The following TUBGCP6 variants were observed in gnomAD, a reference collection of about 807,000 sequenced individuals.
The protein encoded by TUBGCP6 is tubulin gamma complex component 6, also known as gamma-tubulin complex component 6.
In TUBGCP6, 161 loss-of-function variants were observed where a neutral mutation model predicts 175.8. The ratio of observed to expected loss-of-function variants is 0.92; its 90% confidence interval spans 0.81 to 1.04. The LOEUF (loss-of-function observed/expected upper bound fraction) is 1.04. Ranked by LOEUF, TUBGCP6 falls within the 50% of genes least tolerant of loss-of-function variation. The probability of loss-of-function intolerance (pLI) is 0.00; values close to 1 mark genes in which losing one functional copy is unlikely to be tolerated. For missense variants in TUBGCP6, 2,572 were observed against 2,433.0 expected (o/e 1.06, Z -1.20); for synonymous variants, 1,173 against 1,030.5 (o/e 1.14, Z -2.65).
chr22:50,233,088 CAT>C (rs945791114), intron 3 of TUBGCP6, among the ~76,000 whole-genome samples: 1 of 152,246 alleles, frequency 6.6e-6, no homozygotes, highest in African/African-American at 2.4e-5. Context: ...CAGCAATAAA[CAT>C]GTTATTTCTC....
In TUBGCP6 at chr22:50,229,564, A is replaced by G. The variant is rs1223906408; in HGVS notation, c.1130T>C (p.Phe377Ser). 1 of 1,594,590 alleles carries G rather than the reference A, an allele frequency of 6.3e-7. No homozygotes were observed. The highest frequency in any genetic ancestry group is 8.5e-7 in the Non-Finnish European group (1 of 1,171,454). Residue 377 changes from phenylalanine to serine, a missense_variant, in exon 4 of 25, where the codon TTT (phenylalanine) becomes TCT (serine). Coordinates refer to ENST00000248846, the MANE Select transcript of TUBGCP6 (RefSeq NM_020461.4). ...CACGTGGACGCCCCGCTTCACCACA[A>G]AGGCCTGGGCCGGCTGCACAGGGGC... The part of the protein sequence containing the change: ...TFSLCQPAQA[F>S]VVKRGVHVSG...
chr22:50,239,469 G>A (rs1289440769), intron 2 of TUBGCP6, among the ~76,000 whole-genome samples: 5 of 152,210 alleles, frequency 3.3e-5, no homozygotes, highest in South Asian at 2.1e-4. Flanking sequence ...GAGCCACCGC[G>A]CCCAGGCGAA....
intron 3 of TUBGCP6, among the ~76,000 whole-genome samples, chr22:50,232,717 T>C (rs2064710162): frequency 6.6e-6 from 1 of 152,258 alleles, no homozygotes; most frequent in Non-Finnish European, 1.5e-5. Flanking sequence ...CTGGCTGTGC[T>C]TCTAGTCCAT....
At chr22:50,243,632 A>AAAAAGAAGAAGAAGAAGAAGAAG in intron 1 of TUBGCP6, 87 bp downstream of exon 1, 1 of 953,116 alleles carries the variant, frequency 1.0e-6, no homozygotes, top group Non-Finnish European at 1.4e-6. Flanking sequence ...AAAAAAAAAA[A>AAAAAGAAGAAGAAGAAGAAGAAG]AAGAAGAAGA....
chr22:50,218,634 T>A lies in TUBGCP6; in HGVS notation c.4822-14A>T. The A allele has an allele frequency of 6.2e-7, 1 of 1,613,850 alleles. No homozygotes were observed. Among genetic ancestry groups the A allele is most frequent in the Non-Finnish European group, 8.5e-7 (1 of 1,179,950 alleles). On this transcript the variant is annotated splice_polypyrimidine_tract_variant and intron_variant, in intron 21 of 24. Coordinates refer to ENST00000248846, the MANE Select transcript of TUBGCP6 (RefSeq NM_020461.4). ...AGGCCAGTCCACCTGCCAGGAGGCGTGGCTCAGCAGGCATCCCACAGGCAG... is the reference window on the plus strand; with the variant it reads ...AGGCCAGTCCACCTGCCAGGAGGCGAGGCTCAGCAGGCATCCCACAGGCAG...
rs192919234 is a variant in TUBGCP6 at position 50,240,214 on chromosome 22, G to A, written c.895C>T (p.Arg299Ter). The A allele has an allele frequency of 1.1e-5, 18 of 1,613,754 alleles. No individual in the cohort carries two copies. In the African/African-American group the frequency reaches 2.1e-4, roughly 19 times the overall value. ...AAGAAGGGCACACACCAGCCAACTCGCTCCCAGCACCTCCGCTTGCTGGCC... is the reference window on the plus strand; with the variant it reads ...AAGAAGGGCACACACCAGCCAACTCACTCCCAGCACCTCCGCTTGCTGGCC... ...YEASKRRCWE[R>*]VGCPPGHREE... is the part of the protein sequence containing the mutation. Residue 299 changes from arginine to a stop codon, truncating the protein, a stop_gained, in exon 2 of 25, where the codon CGA (arginine) becomes TGA (stop). Coordinates refer to ENST00000248846, the MANE Select transcript of TUBGCP6 (RefSeq NM_020461.4). LOFTEE classifies it high-confidence loss of function.
intron 2 of TUBGCP6, among the ~76,000 whole-genome samples, chr22:50,237,674 G>A (rs762979373): frequency 1.3e-5 from 2 of 152,104 alleles, no homozygotes; most frequent in Admixed American, 6.5e-5. Flanking sequence ...AGGCCCCACC[G>A]TGCCGGAGCT....
intron 1 of TUBGCP6, among the ~76,000 whole-genome samples, chr22:50,243,490 T>C (rs891667704): frequency 1.5e-5 from 2 of 137,204 alleles, no homozygotes; most frequent in African/African-American, 5.6e-5. Flanking sequence ...TGGTGGCAGG[T>C]GCCTGTAATT....
Position 50,244,634 on chromosome 22 carries a change from C to G in TUBGCP6, c.-175G>C, listed in dbSNP as rs1243187114. On this transcript the variant is annotated 5_prime_UTR_variant, in exon 1 of 25. Transcript: ENST00000248846. ...TAAAGGAGGTCTTGCGGTTGCTCTA[C>G]TCAGAGTAAACACGCCCTGCCCTCC... The G allele has an allele frequency of 8.6e-6, 10 of 1,156,436 alleles. No individual in the cohort carries two copies. In the East Asian group the frequency reaches 2.4e-4, roughly 27 times the overall value. The allele number at this position is 1,156,436 out of a possible 1,614,324, so 71.6% of individuals were successfully genotyped here. A position where few individuals can be genotyped will look rare whatever the true frequency, so the allele number is the denominator to read the frequency against.
Position 50,244,245 on chromosome 22 carries a change from A to T in TUBGCP6, c.215T>A (p.Met72Lys). Residue 72 changes from methionine (M) to lysine (K), a missense_variant, in exon 1 of 25, where the codon ATG (methionine) becomes AAG (lysine). Transcript: ENST00000248846. ...SKLPARNKIL[M>K]LSFDLRVGGL... Reference sequence around the variant, plus strand: ...ACCCACTCTCAAGTCAAAGGACAACATGAGGATCTTGTTTCTCGCTGGTAG... The same window carrying T: ...ACCCACTCTCAAGTCAAAGGACAACTTGAGGATCTTGTTTCTCGCTGGTAG... 6.2e-7 allele frequency: 1 copy of T among 1,613,504 alleles called. No homozygotes were observed. The highest frequency in any genetic ancestry group is 8.5e-7 in the Non-Finnish European group (1 of 1,180,026).
At chr22:50,224,055 A>G in intron 13 of TUBGCP6, 86 bp downstream of exon 13, 1 of 1,246,124 alleles carries the variant, frequency 8.0e-7, no homozygotes, top group South Asian at 1.2e-5. Flanking sequence ...TTCAAAACAA[A>G]AAGTAAAATC....
chr22:50,244,609 T>TC lies in TUBGCP6; in HGVS notation c.-151_-150insG, dbSNP rs2064895724. Reference sequence around the variant, plus strand: ...GCCGAAGCTCAGAACTGGTATTTTTTAAAGGAGGTCTTGCGGTTGCTCTAC... The same window carrying TC: ...GCCGAAGCTCAGAACTGGTATTTTTTCAAAGGAGGTCTTGCGGTTGCTCTAC... On this transcript the variant is annotated 5_prime_UTR_variant, in exon 1 of 25. Coordinates refer to ENST00000248846, the MANE Select transcript of TUBGCP6 (RefSeq NM_020461.4). 1 of 1,320,742 alleles carries TC rather than the reference T, an allele frequency of 7.6e-7. No homozygotes were observed. The highest frequency in any genetic ancestry group is 1.0e-6 in the Non-Finnish European group (1 of 996,506). 81.8% of individuals were successfully genotyped at this position (1,320,742 alleles called of 1,614,324 possible).
At position 50,218,575 on chromosome 22, in the gene TUBGCP6, T is replaced by C; in HGVS notation, c.4867A>G (p.Lys1623Glu). Residue 1623 changes from lysine (K) to glutamate (E), a missense_variant, in exon 22 of 25, where the codon AAG becomes GAG. Physicochemically the swap from Lys to Glu is moderately conservative, Grantham distance 56. Transcript: ENST00000248846. ...AGGAAGGAGAAGACGCCGCTGTACTTGCTCACGCAGCCCTCGGTGATGACA... is the reference window on the plus strand; with the variant it reads ...AGGAAGGAGAAGACGCCGCTGTACTCGCTCACGCAGCCCTCGGTGATGACA... ...NIVITEGCVS[K>E]YSGVFSFLLQ... is the part of the protein sequence containing the mutation. The C allele has an allele frequency of 6.2e-7, 1 of 1,613,786 alleles. No individual in the cohort carries two copies. The highest frequency in any genetic ancestry group is 1.3e-5 in the African/African-American group (1 of 74,992).
chr22:50,238,539 TTTTTG>T lies in TUBGCP6; in HGVS notation c.905+1660_905+1664del, dbSNP rs1341719053. ...CAATAACTTGTAGGGCCAGTTTTTTTTTTTGTTTTTTTTTTTGAGACGGAGTCTCG... is the reference window on the plus strand; with the variant it reads ...CAATAACTTGTAGGGCCAGTTTTTTTTTTTTTTTTTTGAGACGGAGTCTCG... On this transcript the variant is annotated intron_variant, in intron 2 of 24. Transcript: ENST00000248846. Among the ~76,000 whole-genome samples the T allele has an allele frequency of 3.8e-5, 3 of 78,216 alleles. 1 individual carries two copies. Among genetic ancestry groups the T allele is most frequent in the Admixed American group, 2.3e-4 (2 of 8,702 alleles). 51.3% of individuals were successfully genotyped at this position (78,216 alleles called of 152,430 possible).
chr22:50,238,491 T>A (rs575320053), intron 2 of TUBGCP6, among the ~76,000 whole-genome samples: 1 of 150,352 alleles, frequency 6.7e-6, no homozygotes. Flanking sequence ...AAAATACTAT[T>A]AGCAGACATG....
chr22:50,225,770 C>T (rs780268184), intron 10 of TUBGCP6, 24 bp downstream of exon 10: 1 of 1,599,808 alleles, frequency 6.3e-7, no homozygotes, highest in East Asian at 2.2e-5. Context: ...GAAGAAAGCC[C>T]CCGAGACCTG....
intron 10 of TUBGCP6, among the ~76,000 whole-genome samples, chr22:50,225,545 G>A (rs1247766571): frequency 1.4e-5 from 2 of 148,140 alleles, no homozygotes; most frequent in African/African-American, 2.5e-5. Context: ...CAGAGCCCCT[G>A]CCTGGCATCT....
At position 50,220,661 on chromosome 22, in the gene TUBGCP6, G is replaced by C; in HGVS notation, c.3698C>G (p.Ala1233Gly). 1 of 1,610,770 alleles carries C rather than the reference G, an allele frequency of 6.2e-7. No individual in the cohort carries two copies. The highest frequency in any genetic ancestry group is 8.5e-7 in the Non-Finnish European group (1 of 1,179,674). The change falls in exon 16 of 25, where the codon GCT becomes GGT. Residue 1233 changes from alanine to glycine, a missense_variant. By Grantham distance (60) the Ala-to-Gly change is moderately conservative (BLOSUM62 0). Coordinates refer to ENST00000248846, the MANE Select transcript of TUBGCP6 (RefSeq NM_020461.4). ...GGTGTTGCACCGTGACCGGATGGGA[G>C]CCACGTCCGATACGTTCTCCCCAAC... ...IRVGENVSDVAPIRSRCNTHG... is the reference protein window; with the variant it reads ...IRVGENVSDVGPIRSRCNTHG...
rs1190132986 is a variant in TUBGCP6 at position 50,244,174 on chromosome 22, G to C, written c.286C>G (p.Leu96Val). Residue 96 changes from leucine (L) to valine (V), a missense_variant, in exon 1 of 25, where the codon CTG becomes GTG. Leu to Val is a conservative substitution (Grantham distance 32). Coordinates refer to ENST00000248846, the MANE Select transcript of TUBGCP6 (RefSeq NM_020461.4). Reference protein sequence around the residue: ...ADRLEELVEELEAAPCCPLLE... With the variant: ...ADRLEELVEEVEAAPCCPLLE... ...AGCGGACAGCAAGGGGCTGCTTCCA[G>C]CTCCTCCACAAGCTCCTCCAAACGG... 1 of 1,613,234 alleles carries C rather than the reference G, an allele frequency of 6.2e-7. No homozygotes were observed. Among genetic ancestry groups the C allele is most frequent in the African/African-American group, 1.3e-5 (1 of 74,944 alleles).
Sources: allele counts gnomAD v4.1 joint callset (sites outside exome capture counted in the v4.1 genomes callset), GRCh38; gene constraint gnomAD v4.1.1; transcripts MANE v1.5; gene names NCBI Gene and HGNC (gene_info 2026-07-23, HGNC 2026-07-21).